The following ADIPOR2 variants were observed in gnomAD, a reference collection of about 807,000 sequenced individuals.
The protein encoded by ADIPOR2 is adiponectin receptor 2, also known as adiponectin receptor protein 2.
ADIPOR2 carries 18 observed loss-of-function variants against 40.9 expected under a neutral mutation model. The ratio of observed to expected loss-of-function variants is 0.44; its 90% confidence interval spans 0.30 to 0.65. The LOEUF is 0.65. Among genes scored for constraint, ADIPOR2 ranks in the 30% least tolerant of loss-of-function variants. The pLI is 0.09. For missense variants in ADIPOR2, 283 were observed against 479.2 expected, an observed-to-expected ratio of 0.59 and a Z score of 3.82; for synonymous variants, 165 against 166.4, an observed-to-expected ratio of 0.99 and a Z score of 0.06.
At chr12:1,698,165 A>G (rs1432212961) in intron 1 of ADIPOR2, 2 of 152,374 alleles carry the variant, frequency 1.3e-5, no homozygotes, top group Non-Finnish European at 2.9e-5. Context: ...GTGACCAGAA[A>G]CAGTGTTTGG....
chr12:1,779,699 A>G (rs1862675454), intron 4 of ADIPOR2, among the ~76,000 whole-genome samples: 1 of 152,202 alleles, frequency 6.6e-6, no homozygotes, highest in Non-Finnish European at 1.5e-5. Context: ...CCTGCCTGCT[A>G]GTATAGTGAG....
chr12:1,741,968 A>G (rs1436766640), intron 1 of ADIPOR2, among the ~76,000 whole-genome samples: 1 of 151,964 alleles, frequency 6.6e-6, no homozygotes, highest in Non-Finnish European at 1.5e-5. Flanking sequence ...TTTCAAAAAG[A>G]ATTTTATTAC....
At chr12:1,697,426 A>C (rs2154441216) in intron 1 of ADIPOR2, 1 of 153,274 alleles carries the variant, frequency 6.5e-6, no homozygotes, top group South Asian at 2.1e-4. Flanking sequence ...CAAGGTGGCA[A>C]CCAATATCTC....
chr12:1,764,019 T>G (rs974050855), intron 2 of ADIPOR2, among the ~76,000 whole-genome samples: 2 of 152,158 alleles, frequency 1.3e-5, no homozygotes, highest in African/African-American at 4.8e-5. Context: ...TCCAAGAATA[T>G]TGTATTTGTG....
rs1203566148 is a variant in ADIPOR2, at chr12:1,732,248, A to G, written c.-86-22010A>G. Among the ~76,000 whole-genome samples, 5 of 152,198 alleles carry G rather than the reference A, an allele frequency of 3.3e-5. No homozygotes were observed. In the South Asian group the frequency reaches 6.2e-4, roughly 19 times the overall value. ...ACATTCTGTGGGTTTTGACACATGT[A>G]TGAAAGGTATCCACTATTACAGTTA... On this transcript the variant is annotated intron_variant, in intron 1 of 7. Coordinates refer to ENST00000357103, the MANE Select transcript of ADIPOR2 (RefSeq NM_024551.3).
intron 1 of ADIPOR2, among the ~76,000 whole-genome samples, chr12:1,727,433 A>G (rs186831119): frequency 1.3e-5 from 2 of 152,344 alleles, no homozygotes; most frequent in Admixed American, 1.3e-4. Flanking sequence ...TCCAATAAGC[A>G]TTGCATGTAT....
intron 1 of ADIPOR2, among the ~76,000 whole-genome samples, chr12:1,704,055 A>ATTTTTTTT (rs57190793): frequency 4.4e-5 from 3 of 67,536 alleles, no homozygotes; most frequent in Admixed American, 2.1e-4. Context: ...TCTACCTGGA[A>ATTTTTTTT]TTTTTTTTTT....
chr12:1,693,213 G>A (rs747195593), intron 1 of ADIPOR2, among the ~76,000 whole-genome samples: 49 of 152,142 alleles, frequency 3.2e-4, no homozygotes, highest in Non-Finnish European at 7.3e-5. Context: ...AGTCGTTTAG[G>A]TATTGTCTGT....
At chr12:1,711,566 CTG>C (rs2094676856) in intron 1 of ADIPOR2, among the ~76,000 whole-genome samples, 1 of 152,014 alleles carries the variant, frequency 6.6e-6, no homozygotes, top group Non-Finnish European at 1.5e-5. Flanking sequence ...ATAGGGTACA[CTG>C]TTTTTTCTTT....
At chr12:1,751,740 G>C (rs963615184) in intron 1 of ADIPOR2, among the ~76,000 whole-genome samples, 1 of 151,344 alleles carries the variant, frequency 6.6e-6, no homozygotes, top group Non-Finnish European at 1.5e-5. Context: ...AGCTGGTTTC[G>C]AACTGCTGGG....
At chr12:1,712,546 C>T (rs1305133592) in intron 1 of ADIPOR2, among the ~76,000 whole-genome samples, 3 of 152,104 alleles carry the variant, frequency 2.0e-5, no homozygotes, top group Admixed American at 2.0e-4. Context: ...AAGAGCTATT[C>T]CTGCTCTCTC....
intron 2 of ADIPOR2, among the ~76,000 whole-genome samples, chr12:1,764,460 A>G (rs936888916): frequency 1.3e-5 from 2 of 152,028 alleles, no homozygotes; most frequent in African/African-American, 2.4e-5. Flanking sequence ...AGAGTGACCT[A>G]AATTTGTATC....
chr12:1,720,899 C>T lies in ADIPOR2; in HGVS notation c.-87+29708C>T, dbSNP rs914611858. 3.9e-5 allele frequency among the ~76,000 whole-genome samples: 6 copies of T among 152,342 alleles called. No homozygotes were observed. In the East Asian group the frequency reaches 1.2e-3, roughly 29 times the overall value. ...CATTCTATTCAAAATCATCCCTCTGCTCACTGAGATAGATACATATCTGAT... is the reference window on the plus strand; with the variant it reads ...CATTCTATTCAAAATCATCCCTCTGTTCACTGAGATAGATACATATCTGAT... On this transcript the variant is annotated intron_variant, in intron 1 of 7. Transcript: ENST00000357103.
intron 1 of ADIPOR2, among the ~76,000 whole-genome samples, chr12:1,706,045 G>T (rs550968583): frequency 1.3e-5 from 2 of 152,290 alleles, no homozygotes; most frequent in African/African-American, 2.4e-5. Context: ...GTCTTCAGTA[G>T]TAAAGTAACA....
intron 2 of ADIPOR2, among the ~76,000 whole-genome samples, chr12:1,758,650 T>A (rs1354297818): frequency 6.6e-6 from 1 of 152,166 alleles, no homozygotes; most frequent in Non-Finnish European, 1.5e-5. Flanking sequence ...AGAACTGCAG[T>A]TTTGAGACTG....
At chr12:1,699,566 A>C (rs1376805012) in intron 1 of ADIPOR2, among the ~76,000 whole-genome samples, 1 of 152,178 alleles carries the variant, frequency 6.6e-6, no homozygotes, top group Non-Finnish European at 1.5e-5. Context: ...CAGGATAATC[A>C]CTTGAACCCG....
chr12:1,713,735 A>G (rs977577976), intron 1 of ADIPOR2, among the ~76,000 whole-genome samples: 6 of 152,108 alleles, frequency 3.9e-5, no homozygotes, highest in Non-Finnish European at 8.8e-5. Context: ...TCTCCCAATT[A>G]CCACTGAGAA....
At chr12:1,744,800 G>A (rs889688679) in intron 1 of ADIPOR2, among the ~76,000 whole-genome samples, 1 of 152,152 alleles carries the variant, frequency 6.6e-6, no homozygotes, top group Non-Finnish European at 1.5e-5. Flanking sequence ...TGGAAAAATG[G>A]AATTAAAAGA....
chr12:1,691,081 C>CGCG lies in ADIPOR2; in HGVS notation c.-188_-186dup, dbSNP rs917401001. 6.0e-6 allele frequency: 1 copy of CGCG among 166,212 alleles called. No homozygotes were observed. The highest frequency in any genetic ancestry group is 2.4e-5 in the African/African-American group (1 of 41,538). 10.3% of individuals were successfully genotyped at this position (166,212 alleles called of 1,614,324 possible). ...GAGAGCGCGATTCCAGAAGCGGCAT[C>CGCG]GCGGCGGCGGCAGCGGCGGCGGCTA... On this transcript the variant is annotated 5_prime_UTR_variant, in exon 1 of 8. Coordinates refer to ENST00000357103, the MANE Select transcript of ADIPOR2 (RefSeq NM_024551.3).
Sources: allele counts gnomAD v4.1 joint callset (sites outside exome capture counted in the v4.1 genomes callset), GRCh38; gene constraint gnomAD v4.1.1; transcripts MANE v1.5; gene names NCBI Gene and HGNC (gene_info 2026-07-23, HGNC 2026-07-21).